Variants in ENO4 observed in about 807,000 individuals in gnomAD.
ENO4 encodes enolase 4.
In ENO4, 53 loss-of-function variants were observed where a neutral mutation model predicts 63.2. That is an observed-to-expected ratio of 0.84 (90% CI 0.67 to 1.05). ENO4 has a LOEUF of 1.05. ENO4 is among the 50% of genes least tolerant of loss of function. The probability of loss-of-function intolerance (pLI) is 0.00; values close to 1 mark genes in which losing one functional copy is unlikely to be tolerated. For synonymous variants in ENO4, 266 were observed against 283.8 expected (o/e 0.94, Z 0.63); for missense variants, 719 against 772.0 (o/e 0.93, Z 0.81).
chr10:116,883,673 C>T (rs1847086259), downstream of ENO4: 2 of 153,510 alleles, frequency 1.3e-5, no homozygotes, highest in Non-Finnish European at 2.9e-5. Context: ...TACTCCATTT[C>T]CAGCAGTTTA....
In ENO4 at chr10:116,861,236, A is replaced by ATATAT. The variant is rs1554900882; in HGVS notation, c.936+46_936+47insTATAT. The ATATAT allele has an allele frequency of 6.2e-4, 105 of 168,038 alleles. No homozygotes were observed. In the East Asian group the frequency reaches 9.4e-3, roughly 15 times the overall value. The allele number at this position is 168,038 out of a possible 1,614,324, so 10.4% of individuals were successfully genotyped here. On this transcript the variant is annotated intron_variant, in intron 6 of 13. Coordinates refer to ENST00000341276, the MANE Select transcript of ENO4 (RefSeq NM_001242699.2). ...TTACCTTTTCTAAAAAAAAAAAAAAAATATATATATATATATATATACTCC... is the reference window on the plus strand; with the variant it reads ...TTACCTTTTCTAAAAAAAAAAAAAAATATATATATATATATATATATATATACTCC...
chr10:116,898,242 C>T (rs1298638321), intron 10 of ENO4, among the ~76,000 whole-genome samples: 23 of 151,730 alleles, frequency 1.5e-4, no homozygotes, highest in Admixed American at 1.1e-3. Flanking sequence ...GCAAGAGAAT[C>T]GCTTGAACTT....
chr10:116,872,741 A>G (rs1426121602), intron 9 of ENO4, among the ~76,000 whole-genome samples: 1 of 152,334 alleles, frequency 6.6e-6, no homozygotes, highest in South Asian at 2.1e-4. Flanking sequence ...GCATATTGCC[A>G]AGCATCTATG....
At chr10:116,853,313 A>AC (rs1564842907) in intron 1 of ENO4, among the ~76,000 whole-genome samples, 2 of 151,626 alleles carry the variant, frequency 1.3e-5, no homozygotes, top group African/African-American at 2.4e-5. Context: ...AAAAAAAAAA[A>AC]ACCAAAGCAG....
At chr10:116,895,092 T>C (rs141068269) in intron 10 of ENO4, among the ~76,000 whole-genome samples, 2 of 152,286 alleles carry the variant, frequency 1.3e-5, no homozygotes, top group African/African-American at 2.4e-5. Context: ...GATACAATAA[T>C]AAAATGTATT....
In ENO4 at chr10:116,858,984, A is replaced by G; in HGVS notation, c.486-6A>G. On this transcript the variant is annotated splice_region_variant and splice_polypyrimidine_tract_variant and intron_variant, in intron 3 of 13. Transcript: ENST00000341276. The stretch of plus-strand genomic sequence containing the variant: ...CACTGTAAAGCCATATTTTCTTGCT[A>G]TTAAGGATATTCTTCGCAAGTAAAG... 6.5e-7 allele frequency: 1 copy of G among 1,527,052 alleles called. No homozygotes were observed. The highest frequency in any genetic ancestry group is 1.2e-5 in the South Asian group (1 of 83,452). 94.6% of individuals were successfully genotyped at this position (1,527,052 alleles called of 1,614,324 possible). A position where few individuals can be genotyped will look rare whatever the true frequency, so the allele number is the denominator to read the frequency against.
exon 11 of ENO4, chr10:116,911,779 T>C (rs571582275): frequency 1.2e-6 from 2 of 1,606,720 alleles, no homozygotes; most frequent in South Asian, 2.2e-5. Context: ...TAAACTGAAA[T>C]CTATTCTTAC....
chr10:116,862,147 T>C (rs1846431959), intron 6 of ENO4, among the ~76,000 whole-genome samples: 1 of 152,168 alleles, frequency 6.6e-6, no homozygotes, highest in African/African-American at 2.4e-5. Flanking sequence ...ACCTTGGTGA[T>C]CTGTGACATG....
At chr10:116,910,317 T>C (rs990954600) in intron 10 of ENO4, among the ~76,000 whole-genome samples, 1 of 152,198 alleles carries the variant, frequency 6.6e-6, no homozygotes, top group Non-Finnish European at 1.5e-5. Context: ...TAATGCCAGG[T>C]AAGGCAGTGA....
chr10:116,861,541 T>C (rs1426113317), intron 6 of ENO4, among the ~76,000 whole-genome samples: 6 of 152,196 alleles, frequency 3.9e-5, no homozygotes, highest in Non-Finnish European at 7.3e-5. Flanking sequence ...AAGCTAGCAC[T>C]TCCTAGCAGC....
At chr10:116,849,813 C>G in intron 1 of ENO4, 82 bp downstream of exon 1, 2 of 1,412,292 alleles carry the variant, frequency 1.4e-6, no homozygotes, top group Non-Finnish European at 1.9e-6. Context: ...GCGCCTGCGC[C>G]TGCGCCTCAG....
intron 10 of ENO4, among the ~76,000 whole-genome samples, chr10:116,888,752 G>A (rs1018000838): frequency 6.6e-5 from 10 of 152,090 alleles, no homozygotes; most frequent in African/African-American, 2.4e-4. Flanking sequence ...TCATGCACAA[G>A]CTATAACAGA....
chr10:116,856,731 G>A, intron 3 of ENO4, 49 bp downstream of exon 3: 1 of 1,431,962 alleles, frequency 7.0e-7, no homozygotes, highest in Non-Finnish European at 9.2e-7. Flanking sequence ...GCCGGGCACA[G>A]TGGCTCACGC....
intron 1 of ENO4, among the ~76,000 whole-genome samples, chr10:116,855,246 T>C (rs992370222): frequency 1.3e-5 from 2 of 152,032 alleles, no homozygotes; most frequent in African/African-American, 4.8e-5. Flanking sequence ...TGAGCCGAGA[T>C]CACACCACTG....
At position 116,889,576 on chromosome 10, in the gene ENO4, T is replaced by C. The variant is rs116849837; in HGVS notation, c.1194+9590T>C. On this transcript the variant is annotated intron_variant, in intron 10 of 10. Transcript: ENST00000369207. ...TGACCTGTCCTTTTACAGATGAGGATGATGGGGCATGAAGAGGGGAAGGAA... is the reference window on the plus strand; with the variant it reads ...TGACCTGTCCTTTTACAGATGAGGACGATGGGGCATGAAGAGGGGAAGGAA... 9.9e-5 allele frequency among the ~76,000 whole-genome samples: 15 copies of C among 152,204 alleles called. No homozygotes were observed. The East Asian group carries it at 1.6e-3, about 16-fold the overall frequency.
intron 10 of ENO4, among the ~76,000 whole-genome samples, chr10:116,907,276 A>C (rs2133338042): frequency 6.6e-6 from 1 of 152,320 alleles, no homozygotes; most frequent in East Asian, 1.9e-4. Flanking sequence ...GGGCCGACCC[A>C]AAGAAGGGCT....
chr10:116,861,008 A>G, intron 5 of ENO4, 45 bp downstream of exon 5: 1 of 1,526,026 alleles, frequency 6.6e-7, no homozygotes, highest in South Asian at 1.2e-5. Flanking sequence ...TGAGTATCTC[A>G]ATATGGATGA....
At position 116,860,317 on chromosome 10, in the gene ENO4, G is replaced by A. The variant is rs78514520; in HGVS notation, c.635-477G>A. 1.2e-4 allele frequency among the ~76,000 whole-genome samples: 18 copies of A among 152,350 alleles called. 2 individuals carry two copies. In the East Asian group the frequency reaches 3.5e-3, roughly 29 times the overall value. On this transcript the variant is annotated intron_variant, in intron 4 of 13. Coordinates refer to ENST00000341276, the MANE Select transcript of ENO4 (RefSeq NM_001242699.2). ...ACTGCTAAAGAACGTAAATGACACA[G>A]AACAAGGCATTGGTTTGGTGTTGGT...
chr10:116,871,382 G>T (rs1184235883), intron 9 of ENO4, 90 bp downstream of exon 9: 11 of 1,153,296 alleles, frequency 9.5e-6, no homozygotes, highest in Non-Finnish European at 1.3e-5. Context: ...TCTGAATATT[G>T]TCCAAACAGA....
Sources: gnomAD v4.1 joint callset for allele counts (sites outside exome capture counted in the v4.1 genomes callset) on GRCh38, gnomAD v4.1.1 for gene constraint, MANE v1.5 for transcripts, NCBI Gene and HGNC (gene_info 2026-07-23, HGNC 2026-07-21) for gene names.